TAF4B: variants seen among roughly 807,000 people sequenced by gnomAD.
TAF4B encodes transcription initiation factor TFIID subunit 4B.
Under a neutral mutation model 86.4 loss-of-function variants are expected in TAF4B, and 38 were observed. That is an observed-to-expected ratio of 0.44 (90% CI 0.34 to 0.58). The LOEUF is 0.58. Ranked by LOEUF, TAF4B falls within the 20% of genes least tolerant of loss-of-function variation. The probability of loss-of-function intolerance (pLI) is 0.02; values close to 1 mark genes in which losing one functional copy is unlikely to be tolerated. For missense variants in TAF4B, 988 were observed against 1,027.6 expected (o/e 0.96, Z 0.53); for synonymous variants, 388 against 391.2 (o/e 0.99, Z 0.10).
At chr18:26,245,695 C>T (rs919809707) in intron 1 of TAF4B, among the ~76,000 whole-genome samples, 2 of 152,082 alleles carry the variant, frequency 1.3e-5, no homozygotes, top group Non-Finnish European at 2.9e-5. Context: ...CTGATTGATG[C>T]GTTTTTACAG....
intron 1 of TAF4B, among the ~76,000 whole-genome samples, chr18:26,248,038 G>A (rs1382047875): frequency 9.6e-6 from 1 of 104,520 alleles, no homozygotes; most frequent in African/African-American, 3.9e-5. Flanking sequence ...ACTATGCCCA[G>A]CTAATTTTTT....
chr18:26,261,849 G>C (rs1365159005), intron 1 of TAF4B, among the ~76,000 whole-genome samples: 3 of 152,194 alleles, frequency 2.0e-5, no homozygotes, highest in Admixed American at 2.0e-4. Flanking sequence ...GTATTTGAGG[G>C]TGCCTTTAGC....
intron 13 of TAF4B, among the ~76,000 whole-genome samples, chr18:26,336,659 T>C (rs1411890571): frequency 1.3e-5 from 2 of 152,224 alleles, no homozygotes; most frequent in Non-Finnish European, 2.9e-5. Flanking sequence ...ACTGTACCTA[T>C]AATTCTCTTT....
At chr18:26,251,624 CA>C (rs1486384207) in intron 1 of TAF4B, among the ~76,000 whole-genome samples, 1 of 152,130 alleles carries the variant, frequency 6.6e-6, no homozygotes, top group African/African-American at 2.4e-5. Flanking sequence ...TACATTCTGT[CA>C]ATATGCTTGT....
At chr18:26,328,371 C>T (rs935249971) in intron 12 of TAF4B, among the ~76,000 whole-genome samples, 3 of 151,964 alleles carry the variant, frequency 2.0e-5, no homozygotes, top group Non-Finnish European at 4.4e-5. Flanking sequence ...GCCTCTTGAA[C>T]CCTGGGAGGT....
At chr18:26,330,692 G>A (rs961067513) in intron 12 of TAF4B, among the ~76,000 whole-genome samples, 10 of 152,020 alleles carry the variant, frequency 6.6e-5, no homozygotes, top group Admixed American at 2.0e-4. Flanking sequence ...TTATAAAACC[G>A]TGAGTTCATA....
intron 13 of TAF4B, among the ~76,000 whole-genome samples, chr18:26,352,411 C>A (rs1473903075): frequency 6.6e-6 from 1 of 151,634 alleles, no homozygotes; most frequent in Non-Finnish European, 1.5e-5. Flanking sequence ...CAATATAGAT[C>A]CAAAGCAAGC....
intron 14 of TAF4B, among the ~76,000 whole-genome samples, chr18:26,364,332 A>G (rs1343001031): frequency 1.3e-5 from 2 of 152,048 alleles, no homozygotes; most frequent in Admixed American, 1.3e-4. Flanking sequence ...AGTACTTTGA[A>G]ATGTGTCCTT....
intron 13 of TAF4B, among the ~76,000 whole-genome samples, chr18:26,346,857 A>ATGTG (rs1296161066): frequency 0.015 from 150 of 9,794 alleles, 11 homozygotes; most frequent in East Asian, 0.049. Context: ...ATATATATAT[A>ATGTG]TGTGTATATA....
At chr18:26,259,077 CT>C (rs1303697176) in intron 1 of TAF4B, among the ~76,000 whole-genome samples, 2 of 151,776 alleles carry the variant, frequency 1.3e-5, no homozygotes, top group Admixed American at 1.3e-4. Context: ...GTGGGGATCT[CT>C]TTGCGTTTAG....
intron 14 of TAF4B, among the ~76,000 whole-genome samples, chr18:26,364,924 A>G (rs2057360646): frequency 6.6e-6 from 1 of 152,068 alleles, no homozygotes; most frequent in Non-Finnish European, 1.5e-5. Context: ...GCTAACCAAA[A>G]TAAAGAAATT....
intron 10 of TAF4B, among the ~76,000 whole-genome samples, chr18:26,317,779 T>C (rs1250929258): frequency 6.6e-6 from 1 of 152,218 alleles, no homozygotes; most frequent in East Asian, 1.9e-4. Context: ...CTCTCTGGTC[T>C]CTTCTTAGGG....
At chr18:26,324,730 C>A (rs773870427) in intron 11 of TAF4B, among the ~76,000 whole-genome samples, 40 of 152,194 alleles carry the variant, frequency 2.6e-4, no homozygotes, top group Non-Finnish European at 5.0e-4. Flanking sequence ...TTCCTACACT[C>A]ATTTGTTAAT....
intron 14 of TAF4B, among the ~76,000 whole-genome samples, chr18:26,378,031 TTA>T (rs1414205308): frequency 6.6e-6 from 1 of 152,204 alleles, no homozygotes; most frequent in African/African-American, 2.4e-5. Context: ...AAAATGCTGC[TTA>T]TATGTGTTTT....
chr18:26,314,479 G>A (rs1460311129), intron 9 of TAF4B, among the ~76,000 whole-genome samples: 2 of 152,102 alleles, frequency 1.3e-5, no homozygotes, highest in African/African-American at 4.8e-5. Context: ...ATGTATGTAT[G>A]TGTGTGTGTA....
intron 9 of TAF4B, among the ~76,000 whole-genome samples, chr18:26,305,157 ATCT>A (rs1472430649): frequency 5.3e-5 from 8 of 152,150 alleles, no homozygotes; most frequent in African/African-American, 1.7e-4. Context: ...TGCCTTCTGT[ATCT>A]TCTTCTAAGA....
intron 12 of TAF4B, among the ~76,000 whole-genome samples, chr18:26,331,947 C>T (rs2057053391): frequency 6.6e-6 from 1 of 152,138 alleles, no homozygotes; most frequent in South Asian, 2.1e-4. Flanking sequence ...TTTTAAAAGG[C>T]CTTATATTGT....
intron 1 of TAF4B, among the ~76,000 whole-genome samples, chr18:26,262,437 T>G (rs954031945): frequency 1.3e-5 from 2 of 151,816 alleles, no homozygotes; most frequent in African/African-American, 4.8e-5. Context: ...CTCCAATAAC[T>G]GTAGTCATTT....
chr18:26,360,300 T>C (rs377476838), intron 14 of TAF4B, among the ~76,000 whole-genome samples: 3 of 152,024 alleles, frequency 2.0e-5, no homozygotes, highest in East Asian at 1.9e-4. Flanking sequence ...TTTAATAGAG[T>C]GTTTAAGTTA....
Sources: gnomAD v4.1 joint callset for allele counts (sites outside exome capture counted in the v4.1 genomes callset) on GRCh38, gnomAD v4.1.1 for gene constraint, MANE v1.5 for transcripts, NCBI Gene and HGNC (gene_info 2026-07-23, HGNC 2026-07-21) for gene names.